Variants in CDH18 observed in about 807,000 individuals in gnomAD.
CDH18 encodes the protein cadherin-18.
A neutral mutation model predicts 67.9 loss-of-function variants in CDH18; 31 were observed. The ratio of observed to expected loss-of-function variants is 0.46; its 90% CI spans 0.34 to 0.62. The LOEUF is 0.62. Ranked by LOEUF, CDH18 falls within the 20% of genes least tolerant of loss-of-function variation. The pLI is 0.01. For missense variants in CDH18, 890 were observed against 975.5 expected (o/e 0.91, Z 1.17); for synonymous variants, 362 against 347.2 (o/e 1.04, Z -0.48).
intron 1 of CDH18, among the ~76,000 whole-genome samples, chr5:20,571,787 C>A (rs538823037): frequency 2.0e-5 from 3 of 152,146 alleles, no homozygotes; most frequent in African/African-American, 7.2e-5. Context: ...GCTTAGAATT[C>A]CTCCTTTTCT....
At chr5:20,436,606 A>G (rs1399116914) in intron 1 of CDH18, among the ~76,000 whole-genome samples, 1 of 151,532 alleles carries the variant, frequency 6.6e-6, no homozygotes, top group Admixed American at 6.6e-5. Context: ...TTTCTTAAAT[A>G]TATATAAACA....
At chr5:20,537,784 G>T (rs2126576120) in intron 1 of CDH18, among the ~76,000 whole-genome samples, 1 of 152,130 alleles carries the variant, frequency 6.6e-6, no homozygotes, top group East Asian at 1.9e-4. Context: ...GAATAAAAAT[G>T]AAAATATTTG....
chr5:19,754,344 A>C (rs1771248491), intron 3 of CDH18, among the ~76,000 whole-genome samples: 1 of 152,236 alleles, frequency 6.6e-6, no homozygotes, highest in Non-Finnish European at 1.5e-5. Context: ...GGACACCAAA[A>C]GGAAGCAGGA....
intron 2 of CDH18, among the ~76,000 whole-genome samples, chr5:20,177,371 A>C (rs1001391925): frequency 2.6e-5 from 4 of 152,150 alleles, no homozygotes; most frequent in African/African-American, 9.7e-5. Flanking sequence ...AGAACCAAAG[A>C]ATTTTGTTTA....
chr5:20,272,217 G>A (rs1226080898), intron 1 of CDH18, among the ~76,000 whole-genome samples: 1 of 152,068 alleles, frequency 6.6e-6, no homozygotes, highest in African/African-American at 2.4e-5. Flanking sequence ...AATAGAAAGA[G>A]TCACAGAGAG....
rs1235131936 is a variant in CDH18 at position 19,602,238 on chromosome 5, AAC to A, written c.811+10194_811+10195del. Among the ~76,000 whole-genome samples, 22 of 152,092 alleles carry A rather than the reference AAC, an allele frequency of 1.4e-4. 1 individual carries two copies. The highest frequency in any genetic ancestry group is 1.4e-3 in the Admixed American group (22 of 15,260). On this transcript the variant is annotated intron_variant, in intron 6 of 12. Coordinates refer to ENST00000382275, the MANE Select transcript of CDH18 (RefSeq NM_004934.5). Reference sequence around the variant, plus strand: ...AAATACAGACACACCCCCACATACAAACACACACAAACTTTTAGAACTAATAA... The same window carrying A: ...AAATACAGACACACCCCCACATACAAACACACAAACTTTTAGAACTAATAA...
At chr5:19,569,800 A>G (rs1441027806) in intron 8 of CDH18, among the ~76,000 whole-genome samples, 2 of 152,144 alleles carry the variant, frequency 1.3e-5, no homozygotes, top group African/African-American at 4.8e-5. Context: ...TAAAGAAACG[A>G]TACATATTTA....
intron 3 of CDH18, among the ~76,000 whole-genome samples, chr5:19,764,008 A>AAAAG (rs1197798767): frequency 3.4e-5 from 5 of 147,448 alleles, no homozygotes; most frequent in Non-Finnish European, 6.0e-5. Flanking sequence ...AAAAAAAAAA[A>AAAAG]AAAAAAAAAA....
chr5:20,374,129 G>A (rs761527450), intron 1 of CDH18, among the ~76,000 whole-genome samples: 10 of 152,106 alleles, frequency 6.6e-5, no homozygotes, highest in South Asian at 4.1e-4. Context: ...CCAAGTTCCC[G>A]TGTTATTCTG....
intron 8 of CDH18, among the ~76,000 whole-genome samples, chr5:19,553,597 A>G (rs1328191813): frequency 6.8e-6 from 1 of 146,622 alleles, no homozygotes; most frequent in East Asian, 2.0e-4. Flanking sequence ...TAATCAATAC[A>G]TACCCTGTGA....
chr5:20,349,354 C>T (rs1337466031), intron 1 of CDH18, among the ~76,000 whole-genome samples: 1 of 152,088 alleles, frequency 6.6e-6, no homozygotes, highest in Non-Finnish European at 1.5e-5. Context: ...TTGCAATTTA[C>T]ATCCGTTAAA....
chr5:20,269,233 T>C (rs927523784), intron 1 of CDH18, among the ~76,000 whole-genome samples: 1 of 151,556 alleles, frequency 6.6e-6, no homozygotes, highest in Admixed American at 6.6e-5. Flanking sequence ...AAAAACCAGA[T>C]AGTGGTGAAA....
At chr5:20,481,416 A>C (rs1485725745) in intron 1 of CDH18, among the ~76,000 whole-genome samples, 1 of 152,126 alleles carries the variant, frequency 6.6e-6, no homozygotes, top group Non-Finnish European at 1.5e-5. Context: ...ATCCAGACAG[A>C]AAATCAACAA....
chr5:19,958,501 C>A lies in CDH18; in HGVS notation c.-257+22559G>T, dbSNP rs1217136517. ...AGGTTACTGTATGAACTGTAAATGA[C>A]CTGTGGCCAGGGGCCAGGTGTTTAT... On this transcript the variant is annotated intron_variant, in intron 2 of 12. Coordinates refer to ENST00000382275, the MANE Select transcript of CDH18 (RefSeq NM_004934.5). 2.0e-5 allele frequency among the ~76,000 whole-genome samples: 3 copies of A among 151,192 alleles called. No homozygotes were observed. In the East Asian group the frequency reaches 5.9e-4, roughly 30 times the overall value.
At chr5:19,764,648 TAC>T (rs1200099456) in intron 3 of CDH18, among the ~76,000 whole-genome samples, 1 of 143,790 alleles carries the variant, frequency 7.0e-6, no homozygotes, top group Admixed American at 6.9e-5. Context: ...TATATATATA[TAC>T]ACACACACAT....
intron 2 of CDH18, among the ~76,000 whole-genome samples, chr5:19,926,433 T>A (rs1393761248): frequency 6.6e-6 from 1 of 152,144 alleles, no homozygotes; most frequent in Non-Finnish European, 1.5e-5. Context: ...GCTAAGTGAG[T>A]TCTTAAAACA....
At chr5:20,338,956 C>T (rs1740017203) in intron 1 of CDH18, among the ~76,000 whole-genome samples, 1 of 152,178 alleles carries the variant, frequency 6.6e-6, no homozygotes, top group South Asian at 2.1e-4. Flanking sequence ...TGTTGACTAG[C>T]TACTCTGGAT....
intron 2 of CDH18, among the ~76,000 whole-genome samples, chr5:20,030,961 T>C (rs556912867): frequency 1.3e-5 from 2 of 152,250 alleles, no homozygotes; most frequent in Admixed American, 6.5e-5. Context: ...ATAGAAAATG[T>C]AAAAAATTGA....
intron 2 of CDH18, among the ~76,000 whole-genome samples, chr5:19,960,467 T>C (rs1434652850): frequency 6.6e-6 from 1 of 151,056 alleles, no homozygotes; most frequent in Non-Finnish European, 1.5e-5. Context: ...ATAACACACA[T>C]AGAACTGTCA....
Sources: allele counts gnomAD v4.1 joint callset (sites outside exome capture counted in the v4.1 genomes callset), GRCh38; gene constraint gnomAD v4.1.1; transcripts MANE v1.5; gene names NCBI Gene and HGNC (gene_info 2026-07-23, HGNC 2026-07-21).